Variants in ATF3 observed in about 807,000 individuals in gnomAD.
The protein encoded by ATF3 is cyclic AMP-dependent transcription factor ATF-3.
Under a neutral mutation model 18.4 loss-of-function variants are expected in ATF3, and 10 were observed. That is an observed-to-expected ratio of 0.54 (90% CI 0.34 to 0.92). The LOEUF is 0.92. Among genes scored for constraint, ATF3 ranks in the 40% least tolerant of loss-of-function variants. ATF3 has a pLI of 0.02. For synonymous variants in ATF3, 78 were observed against 87.9 expected (o/e 0.89, Z 0.63); for missense variants, 183 against 222.3 (o/e 0.82, Z 1.12).
chr1:212,600,218 G>GC (rs1463879683), intron 1 of ATF3, among the ~76,000 whole-genome samples: 2 of 152,096 alleles, frequency 1.3e-5, no homozygotes, highest in African/African-American at 4.8e-5. Context: ...CCCACCCTCA[G>GC]CCCTCTACCA....
At chr1:212,587,121 G>A (rs905275624) in intron 1 of ATF3, among the ~76,000 whole-genome samples, 1 of 152,122 alleles carries the variant, frequency 6.6e-6, no homozygotes, top group African/African-American at 2.4e-5. Context: ...ATTACGTTTC[G>A]GAGAAGAGCT....
intron 1 of ATF3, among the ~76,000 whole-genome samples, chr1:212,577,962 C>T (rs1664613529): frequency 2.0e-5 from 3 of 152,170 alleles, no homozygotes; most frequent in Admixed American, 2.0e-4. Context: ...ATTGCTGGAT[C>T]ATATGGTAAT....
intron 1 of ATF3, among the ~76,000 whole-genome samples, chr1:212,573,913 C>G (rs1055523977): frequency 6.6e-6 from 1 of 150,486 alleles, no homozygotes; most frequent in Non-Finnish European, 1.5e-5. Flanking sequence ...TGAACCTCCC[C>G]TTTTTATTTC....
chr1:212,597,415 CTATT>C (rs1006497543), intron 1 of ATF3, among the ~76,000 whole-genome samples: 19 of 110,690 alleles, frequency 1.7e-4, no homozygotes, highest in African/African-American at 6.7e-4. Flanking sequence ...TGAGTTACAT[CTATT>C]TATCTATCTA....
upstream of ATF3, among the ~76,000 whole-genome samples, chr1:212,604,359 T>C (rs1407826433): frequency 1.3e-5 from 2 of 152,178 alleles, no homozygotes; most frequent in Non-Finnish European, 2.9e-5. Context: ...AATGGGAATA[T>C]CTGCTACCTG....
In ATF3 at chr1:212,616,452, C is replaced by A. The variant is rs1261542932; in HGVS notation, c.240+1191C>A. Among the ~76,000 whole-genome samples the A allele has an allele frequency of 2.6e-5, 4 of 152,164 alleles. No individual in the cohort carries two copies. The South Asian group carries it at 6.2e-4, about 24-fold the overall frequency. ...GCTGGGATTACAGGTGCCCGCCACA[C>A]GTCTGGCTAATTTTTGAATTTTTTT... is the stretch of plus-strand genomic sequence containing the variant. On this transcript the variant is annotated intron_variant, in intron 2 of 3. Coordinates refer to ENST00000341491, the MANE Select transcript of ATF3 (RefSeq NM_001674.4).
chr1:212,619,911 G>T lies in ATF3; in HGVS notation c.*356G>T. On this transcript the variant is annotated 3_prime_UTR_variant, in exon 4 of 4. Coordinates refer to ENST00000341491, the MANE Select transcript of ATF3 (RefSeq NM_001674.4). This position sits in a 1 kb window ranked among gnomAD's most constrained non-coding sequence, Gnocchi z 4.4. The stretch of plus-strand genomic sequence containing the variant: ...ATTCAGGCAGCAGTGTCTGTACCTC[G>T]GGTGGGAGGGATGGGGCCATCTCCT... The T allele has an allele frequency of 3.3e-6, 1 of 300,778 alleles. No individual in the cohort carries two copies. The highest frequency in any genetic ancestry group is 6.5e-6 in the Non-Finnish European group (1 of 153,002). 18.6% of individuals were successfully genotyped at this position (300,778 alleles called of 1,614,324 possible).
chr1:212,620,006 G>A lies in ATF3; in HGVS notation c.*451G>A, dbSNP rs1207386821. 2 of 218,098 alleles carry A rather than the reference G, an allele frequency of 9.2e-6. No individual in the cohort carries two copies. The highest frequency in any genetic ancestry group is 1.0e-4 in the Admixed American group (2 of 19,230). The allele number at this position is 218,098 out of a possible 1,614,324, so 13.5% of individuals were successfully genotyped here. On this transcript the variant is annotated 3_prime_UTR_variant, in exon 4 of 4. Transcript: ENST00000341491. ...ACAGCATTTAGTGAAGTTGTGCAAC[G>A]GCCAGGGTTGTGCTTTCTAGCAAAT... is the stretch of plus-strand genomic sequence containing the variant.
intron 1 of ATF3, among the ~76,000 whole-genome samples, chr1:212,582,651 C>T (rs1442254815): frequency 2.0e-5 from 3 of 152,102 alleles, no homozygotes; most frequent in Non-Finnish European, 4.4e-5. Context: ...CATGCCTGTG[C>T]GTTTTTTTCA....
At chr1:212,595,701 T>A (rs995108958) in intron 1 of ATF3, among the ~76,000 whole-genome samples, 1 of 152,218 alleles carries the variant, frequency 6.6e-6, no homozygotes, top group Non-Finnish European at 1.5e-5. Flanking sequence ...ATAAGCCGGA[T>A]GACCTGTTCA....
intron 1 of ATF3, among the ~76,000 whole-genome samples, chr1:212,587,246 T>G (rs1664796571): frequency 6.6e-6 from 1 of 152,220 alleles, no homozygotes; most frequent in South Asian, 2.1e-4. Flanking sequence ...ATAATTGGCG[T>G]TCAATAAATG....
chr1:212,597,857 T>C (rs745958444), intron 1 of ATF3, among the ~76,000 whole-genome samples: 4 of 152,222 alleles, frequency 2.6e-5, no homozygotes, highest in Non-Finnish European at 5.9e-5. Flanking sequence ...GATTAATTCA[T>C]CATTCCATCT....
chr1:212,579,227 G>A (rs183324462), intron 1 of ATF3, among the ~76,000 whole-genome samples: 1 of 151,876 alleles, frequency 6.6e-6, no homozygotes. Flanking sequence ...GGCCAGGCTG[G>A]TCTCAAACTC....
At chr1:212,580,481 AT>A (rs1664664201) in intron 1 of ATF3, among the ~76,000 whole-genome samples, 1 of 152,046 alleles carries the variant, frequency 6.6e-6, no homozygotes. Context: ...CACCAGGCTA[AT>A]TTTTGTATTT....
At chr1:212,597,825 G>A (rs931952440) in intron 1 of ATF3, among the ~76,000 whole-genome samples, 5 of 152,114 alleles carry the variant, frequency 3.3e-5, no homozygotes, top group Non-Finnish European at 7.4e-5. Flanking sequence ...GGTTTAGCAG[G>A]ACAAAAACTG....
rs538902269 is a variant in ATF3, at chr1:212,618,988, C to T, written c.349-370C>T. 5.6e-6 allele frequency: 9 copies of T among 1,606,826 alleles called. No homozygotes were observed. The South Asian group carries it at 8.8e-5, about 16-fold the overall frequency. On this transcript the variant is annotated intron_variant, in intron 3 of 3. Transcript: ENST00000341491. The surrounding 1 kb of genome is among the most constrained non-coding windows in gnomAD (Gnocchi z 4.4). The stretch of plus-strand genomic sequence containing the variant: ...ATTTTTTCTGGGGAGATGAGCTTCT[C>T]ATTGAGATCTGTGACTCAGAATCGA...
rs1057454302 is a variant in ATF3 at position 212,619,793 on chromosome 1, A to T, written c.*238A>T. On this transcript the variant is annotated 3_prime_UTR_variant, in exon 4 of 4. Transcript: ENST00000341491. This position sits in a 1 kb window ranked among gnomAD's most constrained non-coding sequence, Gnocchi z 4.4. Reference sequence around the variant, plus strand: ...AACTCCAGGATTTAGGCCTTAACACACTGGCCATTCTTATGTTCCAGATGG... The same window carrying T: ...AACTCCAGGATTTAGGCCTTAACACTCTGGCCATTCTTATGTTCCAGATGG... 80 of 453,028 alleles carry T rather than the reference A, an allele frequency of 1.8e-4. No individual in the cohort carries two copies. The highest frequency in any genetic ancestry group is 3.1e-4 in the Non-Finnish European group (76 of 247,100). 28.1% of individuals were successfully genotyped at this position (453,028 alleles called of 1,614,324 possible).
intron 1 of ATF3, among the ~76,000 whole-genome samples, chr1:212,589,262 C>T (rs1215420187): frequency 6.6e-6 from 1 of 152,102 alleles, no homozygotes; most frequent in Non-Finnish European, 1.5e-5. Context: ...GCAAGGAAGA[C>T]ATGAGAATGG....
intron 1 of ATF3, among the ~76,000 whole-genome samples, chr1:212,568,231 A>T (rs1197786245): frequency 6.6e-6 from 1 of 152,208 alleles, no homozygotes; most frequent in Admixed American, 6.5e-5. Context: ...AAAAATCATG[A>T]ACTAATTATA....
Sources: gnomAD v4.1 joint callset for allele counts (sites outside exome capture counted in the v4.1 genomes callset) on GRCh38, gnomAD v4.1.1 for gene constraint, Gnocchi (gnomAD v3.1) non-coding constraint, MANE v1.5 for transcripts, NCBI Gene and HGNC (gene_info 2026-07-23, HGNC 2026-07-21) for gene names.